SAE1: variants seen among roughly 807,000 people sequenced by gnomAD.
SAE1 encodes SUMO1 activating enzyme subunit 1.
Under a neutral mutation model 40.6 loss-of-function variants are expected in SAE1, and 11 were observed. The ratio of observed to expected loss-of-function variants is 0.27; its 90% CI spans 0.17 to 0.45. SAE1 has a LOEUF of 0.45. Ranked by LOEUF, SAE1 falls within the 20% of genes least tolerant of loss-of-function variation. The pLI, the probability that SAE1 is intolerant of heterozygous loss-of-function variation, is 1.00. For synonymous variants in SAE1, 155 were observed against 154.3 expected (o/e 1.00, Z -0.03); for missense variants, 373 against 427.3 (o/e 0.87, Z 1.12).
At chr19:47,139,515 G>A (rs180817063) in intron 1 of SAE1, among the ~76,000 whole-genome samples, 15 of 151,992 alleles carry the variant, frequency 9.9e-5, no homozygotes. Context: ...AGAAACGATG[G>A]TGGCTCAGAC....
chr19:47,170,372 G>A (rs936540229), intron 6 of SAE1, among the ~76,000 whole-genome samples: 6 of 151,684 alleles, frequency 4.0e-5, no homozygotes, highest in Admixed American at 6.6e-5. Context: ...GCACCACTGC[G>A]CCCGGCTAAT....
intron 5 of SAE1, among the ~76,000 whole-genome samples, chr19:47,166,243 G>A (rs995366493): frequency 7.9e-5 from 12 of 152,102 alleles, no homozygotes; most frequent in African/African-American, 2.9e-4. Flanking sequence ...CAGTATTGTG[G>A]GACAGAGCCA....
intron 1 of SAE1, among the ~76,000 whole-genome samples, chr19:47,134,315 G>A (rs2058165596): frequency 6.6e-6 from 1 of 151,534 alleles, no homozygotes; most frequent in Admixed American, 6.6e-5. Flanking sequence ...AGTTTGAGGG[G>A]GTGGGAGCTT....
chr19:47,181,259 TG>T (rs1273810274), intron 6 of SAE1, among the ~76,000 whole-genome samples: 1 of 151,964 alleles, frequency 6.6e-6, no homozygotes, highest in Non-Finnish European at 1.5e-5. Context: ...GAGGTTGTGG[TG>T]AGCCGAGATC....
intron 5 of SAE1, among the ~76,000 whole-genome samples, chr19:47,168,903 C>T (rs2058413457): frequency 6.6e-6 from 1 of 152,158 alleles, no homozygotes. Flanking sequence ...TGTGCCTGGA[C>T]TTGTAAATGG....
At chr19:47,197,433 A>G in intron 7 of SAE1, 56 bp downstream of exon 7, 3 of 1,472,986 alleles carry the variant, frequency 2.0e-6, no homozygotes, top group Non-Finnish European at 2.8e-6. Flanking sequence ...TGTTTTCAGG[A>G]TTTGCCTTAA....
intron 6 of SAE1, 141 bp from the exon 7 acceptor site, chr19:47,197,092 A>G (rs1444406968): frequency 1.9e-5 from 14 of 737,378 alleles, no homozygotes. Context: ...GAGGCAGAAG[A>G]ATCACTTGAA....
At chr19:47,164,102 C>T (rs2058375127) in intron 5 of SAE1, among the ~76,000 whole-genome samples, 1 of 152,076 alleles carries the variant, frequency 6.6e-6, no homozygotes, top group African/African-American at 2.4e-5. Flanking sequence ...ATGGTTTTGT[C>T]TTTTGCTTTT....
At chr19:47,142,129 A>C (rs1449501571) in intron 1 of SAE1, among the ~76,000 whole-genome samples, 1 of 152,158 alleles carries the variant, frequency 6.6e-6, no homozygotes, top group African/African-American at 2.4e-5. Context: ...CATGCCTGTA[A>C]TCCCAGCACT....
chr19:47,145,444 G>C (rs2058250202), intron 2 of SAE1, among the ~76,000 whole-genome samples: 2 of 152,152 alleles, frequency 1.3e-5, no homozygotes, highest in Admixed American at 1.3e-4. Context: ...ACCATCCCCT[G>C]CTGACATAAT....
At chr19:47,147,037 T>C (rs1334921353) in intron 2 of SAE1, among the ~76,000 whole-genome samples, 1 of 151,938 alleles carries the variant, frequency 6.6e-6, no homozygotes, top group African/African-American at 2.4e-5. Context: ...TATGGAGCTA[T>C]ACAGAGTGGA....
chr19:47,204,884 G>GCTCT (rs1484003671), intron 8 of SAE1, among the ~76,000 whole-genome samples: 1 of 152,036 alleles, frequency 6.6e-6, no homozygotes, highest in Non-Finnish European at 1.5e-5. Flanking sequence ...GCCCCTCAAG[G>GCTCT]CTCTGTACAG....
At chr19:47,175,918 C>T (rs1264027603) in intron 6 of SAE1, among the ~76,000 whole-genome samples, 1 of 152,146 alleles carries the variant, frequency 6.6e-6, no homozygotes, top group Non-Finnish European at 1.5e-5. Flanking sequence ...CCCCAAGAAA[C>T]ATTTGAATTG....
Position 47,152,895 on chromosome 19 carries a change from C to T in SAE1, c.385-3C>T, listed in dbSNP as rs1386292464. The stretch of plus-strand genomic sequence containing the variant: ...AACCCAGCCAATTTCTTTCTTTCTG[C>T]AGGTGTGTCTGACTTGCTGCTCCAG... On this transcript the variant is annotated splice_region_variant and splice_polypyrimidine_tract_variant and intron_variant, in intron 3 of 8. Transcript: ENST00000270225. The T allele has an allele frequency of 2.5e-6, 4 of 1,610,948 alleles. No individual in the cohort carries two copies. Among genetic ancestry groups the T allele is most frequent in the South Asian group, 2.2e-5 (2 of 90,738 alleles).
chr19:47,181,597 C>G (rs1467172776), intron 6 of SAE1, among the ~76,000 whole-genome samples: 1 of 149,542 alleles, frequency 6.7e-6, no homozygotes, highest in Non-Finnish European at 1.5e-5. Flanking sequence ...TCCTGCCTCC[C>G]CCTCCCAGGT....
intron 5 of SAE1, among the ~76,000 whole-genome samples, chr19:47,157,901 G>C (rs951552612): frequency 3.3e-5 from 5 of 152,160 alleles, no homozygotes; most frequent in Non-Finnish European, 7.3e-5. Flanking sequence ...CCTGCGGACC[G>C]ACTGGGCTGG....
In SAE1 at chr19:47,150,379, A is replaced by C; in HGVS notation, c.384+4A>C. 9 of 1,594,138 alleles carry C rather than the reference A, an allele frequency of 5.6e-6. No individual in the cohort carries two copies. The highest frequency in any genetic ancestry group is 7.7e-6 in the Non-Finnish European group (9 of 1,170,544). Reference sequence around the variant, plus strand: ...ATTTTTCACTCAATTCGATGCTGTAAGTTTCTTATTATAAAATCTGCTGTG... The same window carrying C: ...ATTTTTCACTCAATTCGATGCTGTACGTTTCTTATTATAAAATCTGCTGTG... On this transcript the variant is annotated splice_donor_region_variant and intron_variant, in intron 3 of 8. Coordinates refer to ENST00000270225, the MANE Select transcript of SAE1 (RefSeq NM_005500.3).
intron 6 of SAE1, chr19:47,180,070 T>C (rs939809326): frequency 3.2e-5 from 13 of 410,982 alleles, no homozygotes; most frequent in African/African-American, 2.5e-4. Context: ...GATGAACTCA[T>C]GGTTTCTTAT....
At chr19:47,188,699 A>G (rs2058559765) in intron 6 of SAE1, among the ~76,000 whole-genome samples, 1 of 152,182 alleles carries the variant, frequency 6.6e-6, no homozygotes, top group South Asian at 2.1e-4. Context: ...TTTGCAGAGG[A>G]GGCTCAGGGT....
Sources: gnomAD v4.1 joint callset for allele counts (sites outside exome capture counted in the v4.1 genomes callset) on GRCh38, gnomAD v4.1.1 for gene constraint, MANE v1.5 for transcripts, NCBI Gene and HGNC (gene_info 2026-07-23, HGNC 2026-07-21) for gene names.